Variants in DGKB observed in about 807,000 individuals in gnomAD.
The protein encoded by DGKB is diacylglycerol kinase beta.
In DGKB, 67 loss-of-function variants were observed where a neutral mutation model predicts 114.3. The observed-to-expected ratio is 0.59, with a 90% CI of 0.48 to 0.72. The LOEUF is 0.72. Among genes scored for constraint, DGKB ranks in the 30% least tolerant of loss-of-function variants. The pLI, the probability that DGKB is intolerant of heterozygous loss-of-function variation, is 0.00. For synonymous variants in DGKB, 398 were observed against 323.1 expected (o/e 1.23, Z -2.49); for missense variants, 907 against 975.2 (o/e 0.93, Z 0.93).
At chr7:14,353,190 C>T (rs1004883833) in intron 21 of DGKB, among the ~76,000 whole-genome samples, 2 of 152,026 alleles carry the variant, frequency 1.3e-5, no homozygotes, top group Non-Finnish European at 2.9e-5. Context: ...ATCACTTGAA[C>T]CTTTTTTTCC....
chr7:14,219,830 T>C (rs1251002448), intron 23 of DGKB, among the ~76,000 whole-genome samples: 1 of 151,798 alleles, frequency 6.6e-6, no homozygotes, highest in Non-Finnish European at 1.5e-5. Flanking sequence ...TGGCATCATA[T>C]ATGAGAATCC....
At chr7:14,766,635 C>T (rs1360525915) in intron 2 of DGKB, among the ~76,000 whole-genome samples, 1 of 151,726 alleles carries the variant, frequency 6.6e-6, no homozygotes, top group Admixed American at 6.6e-5. Context: ...AATAGAGAAG[C>T]CTGGGCTGAA....
At chr7:14,753,483 T>G (rs1723229) in intron 4 of DGKB, among the ~76,000 whole-genome samples, 53,969 of 151,674 alleles carry the variant, frequency 0.36, 13,238 homozygotes, top group African/African-American at 0.69. Context: ...TTCCCCCACA[T>G]ATTCTATCAC....
At chr7:14,712,947 C>A (rs1470115255) in intron 6 of DGKB, among the ~76,000 whole-genome samples, 4 of 151,938 alleles carry the variant, frequency 2.6e-5, no homozygotes, top group Admixed American at 6.6e-5. Flanking sequence ...AAATATATAG[C>A]TGTTTGGCTG....
intron 23 of DGKB, among the ~76,000 whole-genome samples, chr7:14,324,685 AC>A (rs1414094574): frequency 6.6e-6 from 1 of 152,148 alleles, no homozygotes; most frequent in Non-Finnish European, 1.5e-5. Context: ...CTACATTTTA[AC>A]CCTGTGATGT....
intron 23 of DGKB, among the ~76,000 whole-genome samples, chr7:14,283,643 A>G (rs1290368443): frequency 6.6e-6 from 1 of 151,132 alleles, no homozygotes; most frequent in African/African-American, 2.5e-5. Context: ...CCAAAACAGC[A>G]TGGTACTGGT....
intron 1 of DGKB, among the ~76,000 whole-genome samples, chr7:14,931,089 G>A (rs1784991926): frequency 6.6e-6 from 1 of 151,078 alleles, no homozygotes; most frequent in South Asian, 2.1e-4. Context: ...GTTTTGATGT[G>A]CTGTTAGATT....
chr7:14,413,662 T>C (rs1205331570), intron 21 of DGKB, among the ~76,000 whole-genome samples: 2 of 152,084 alleles, frequency 1.3e-5, no homozygotes, highest in African/African-American at 4.8e-5. Flanking sequence ...TTCAGGTATC[T>C]AACTGTAATA....
intron 13 of DGKB, among the ~76,000 whole-genome samples, chr7:14,660,363 T>A (rs1307365994): frequency 2.6e-5 from 4 of 151,932 alleles, no homozygotes; most frequent in Admixed American, 6.6e-5. Context: ...CATCTGGTCC[T>A]GGACTCTTTT....
chr7:14,252,700 T>A (rs1268735907), intron 23 of DGKB, among the ~76,000 whole-genome samples: 3 of 152,130 alleles, frequency 2.0e-5, no homozygotes, highest in African/African-American at 7.2e-5. Context: ...GCCTCTGGAA[T>A]GGGCTTAGAA....
intron 21 of DGKB, among the ~76,000 whole-genome samples, chr7:14,473,757 A>G (rs1781764796): frequency 6.6e-6 from 1 of 152,204 alleles, no homozygotes; most frequent in Non-Finnish European, 1.5e-5. Flanking sequence ...TGGATGTGAG[A>G]CATAGAGTCA....
chr7:14,296,723 C>T (rs906252219), intron 23 of DGKB, among the ~76,000 whole-genome samples: 1 of 120,364 alleles, frequency 8.3e-6, no homozygotes, highest in Non-Finnish European at 1.7e-5. Context: ...GATAGAGACA[C>T]AAAAAACCTT....
intron 25 of DGKB, among the ~76,000 whole-genome samples, chr7:14,167,210 C>CAA (rs34278386): frequency 0.44 from 43,760 of 99,250 alleles, 10,227 homozygotes; most frequent in African/African-American, 0.57. Flanking sequence ...GACTCCATCT[C>CAA]AAAAAAAAAA....
intron 23 of DGKB, among the ~76,000 whole-genome samples, chr7:14,280,368 C>T (rs541873811): frequency 3.3e-4 from 50 of 152,042 alleles, no homozygotes; most frequent in African/African-American, 1.1e-3. Flanking sequence ...TGTGAAAAGA[C>T]CAAATCTACG....
chr7:14,696,943 A>G (rs2129001808), intron 8 of DGKB, among the ~76,000 whole-genome samples: 1 of 152,352 alleles, frequency 6.6e-6, no homozygotes, highest in Non-Finnish European at 1.5e-5. Flanking sequence ...AGATGTGAAC[A>G]GAGGTTAAAT....
intron 23 of DGKB, among the ~76,000 whole-genome samples, chr7:14,333,775 C>T (rs73263934): frequency 0.02 from 2,971 of 152,144 alleles, 100 homozygotes; most frequent in African/African-American, 0.067. Context: ...TAAAAAATAC[C>T]TTTCAAAAGT....
intron 21 of DGKB, among the ~76,000 whole-genome samples, chr7:14,400,705 GA>G (rs34821430): frequency 0.017 from 2,477 of 148,152 alleles, 26 homozygotes; most frequent in Non-Finnish European, 0.027. Context: ...AGGCTAAAAT[GA>G]AAAAAAAAAT....
At chr7:14,920,430 T>TATAAA (rs1562876479) in intron 1 of DGKB, among the ~76,000 whole-genome samples, 4 of 152,164 alleles carry the variant, frequency 2.6e-5, no homozygotes, top group Non-Finnish European at 5.9e-5. Flanking sequence ...TAACTGCAAA[T>TATAAA]TATAAGAACA....
intron 6 of DGKB, among the ~76,000 whole-genome samples, chr7:14,709,547 C>A: frequency 7.7e-6 from 1 of 129,344 alleles, no homozygotes; most frequent in East Asian, 2.7e-4. Flanking sequence ...TTCACAATAG[C>A]AAAGACTTGG....
Sources: gnomAD v4.1 joint callset for allele counts (sites outside exome capture counted in the v4.1 genomes callset) on GRCh38, gnomAD v4.1.1 for gene constraint, MANE v1.5 for transcripts, NCBI Gene and HGNC (gene_info 2026-07-23, HGNC 2026-07-21) for gene names.